Variants in LSAMP observed in about 807,000 individuals in gnomAD.
LSAMP encodes the protein limbic system-associated membrane protein.
LSAMP carries 7 observed loss-of-function variants against 38.6 expected under a neutral mutation model. The ratio of observed to expected loss-of-function variants is 0.18; its 90% CI spans 0.10 to 0.34. The LOEUF is 0.34. Ranked by LOEUF, LSAMP falls within the 10% of genes least tolerant of loss-of-function variation. The pLI, the probability that LSAMP is intolerant of heterozygous loss-of-function variation, is 1.00. For synonymous variants in LSAMP, 154 were observed against 166.8 expected, an observed-to-expected ratio of 0.92 and a Z score of 0.59; for missense variants, 313 against 420.0, an observed-to-expected ratio of 0.75 and a Z score of 2.23.
At chr3:116,029,990 T>G (rs1024144919) in intron 2 of LSAMP, among the ~76,000 whole-genome samples, 3 of 152,098 alleles carry the variant, frequency 2.0e-5, no homozygotes, top group African/African-American at 7.2e-5. Flanking sequence ...TAATTTGAAT[T>G]AGATGGCTCT....
chr3:116,155,716 A>G (rs145140909), intron 1 of LSAMP, among the ~76,000 whole-genome samples: 1 of 151,680 alleles, frequency 6.6e-6, no homozygotes, highest in African/African-American at 2.4e-5. Context: ...AAATTAGCCA[A>G]GATGAAAGCT....
chr3:116,398,350 A>G (rs2048796030), intron 1 of LSAMP, among the ~76,000 whole-genome samples: 1 of 152,198 alleles, frequency 6.6e-6, no homozygotes, highest in Non-Finnish European at 1.5e-5. Context: ...AGAGACTAAG[A>G]TGATCATGTG....
At chr3:116,015,757 AC>A (rs149912161) in intron 3 of LSAMP, among the ~76,000 whole-genome samples, 37,359 of 151,846 alleles carry the variant, frequency 0.25, 4,792 homozygotes, top group African/African-American at 0.32. Context: ...AACTGGCCTT[AC>A]CCAATTTTTT....
chr3:116,089,786 A>T (rs186073989), intron 1 of LSAMP, among the ~76,000 whole-genome samples: 24 of 152,216 alleles, frequency 1.6e-4, no homozygotes, highest in African/African-American at 5.8e-4. Context: ...ATATATCTCA[A>T]TGGAAAAAAA....
chr3:116,381,456 T>C (rs1189988323), intron 1 of LSAMP, among the ~76,000 whole-genome samples: 1 of 152,108 alleles, frequency 6.6e-6, no homozygotes, highest in Non-Finnish European at 1.5e-5. Flanking sequence ...ACACCAGTAT[T>C]ATAAAGAGCA....
intron 1 of LSAMP, among the ~76,000 whole-genome samples, chr3:116,300,827 C>T (rs1232467743): frequency 4.6e-5 from 7 of 152,150 alleles, no homozygotes; most frequent in Non-Finnish European, 1.0e-4. Context: ...CAAGTCTCTT[C>T]ATCTCATCAC....
chr3:116,417,680 C>T (rs1414210536), intron 1 of LSAMP, among the ~76,000 whole-genome samples: 1 of 152,082 alleles, frequency 6.6e-6, no homozygotes, highest in Non-Finnish European at 1.5e-5. Context: ...ACATCTTGGC[C>T]ATTTTTTAAA....
chr3:116,224,294 C>T (rs1301901406), intron 1 of LSAMP, among the ~76,000 whole-genome samples: 1 of 152,192 alleles, frequency 6.6e-6, no homozygotes, highest in East Asian at 1.9e-4. Context: ...AATCCTCAAG[C>T]ATTTTACAAG....
intron 1 of LSAMP, among the ~76,000 whole-genome samples, chr3:116,406,127 A>G (rs973941750): frequency 6.6e-6 from 1 of 152,120 alleles, no homozygotes; most frequent in African/African-American, 2.4e-5. Context: ...CAAAAAAATT[A>G]AAGGTCAACA....
chr3:116,330,630 T>C (rs1322634486), intron 1 of LSAMP, among the ~76,000 whole-genome samples: 1 of 151,930 alleles, frequency 6.6e-6, no homozygotes, highest in Non-Finnish European at 1.5e-5. Flanking sequence ...TCAAAAATAA[T>C]TGTATATCTT....
At chr3:116,112,448 G>A (rs908652492) in intron 1 of LSAMP, among the ~76,000 whole-genome samples, 19 of 152,248 alleles carry the variant, frequency 1.2e-4, no homozygotes, top group African/African-American at 4.3e-4. Flanking sequence ...GCTTGCGAAT[G>A]ACTATGATAA....
At chr3:116,145,068 G>A (rs972170775) in intron 1 of LSAMP, among the ~76,000 whole-genome samples, 30 of 151,694 alleles carry the variant, frequency 2.0e-4, no homozygotes, top group South Asian at 2.1e-4. Context: ...TAATATTATC[G>A]CTTTTTCTTT....
chr3:115,857,927 C>T (rs913109749), intron 3 of LSAMP, among the ~76,000 whole-genome samples: 11 of 152,182 alleles, frequency 7.2e-5, no homozygotes, highest in Non-Finnish European at 1.6e-4. Flanking sequence ...TAAAGCATGC[C>T]AGGTGCTGCC....
At chr3:116,236,630 G>T (rs2046468382) in intron 1 of LSAMP, among the ~76,000 whole-genome samples, 1 of 151,958 alleles carries the variant, frequency 6.6e-6, no homozygotes, top group Admixed American at 6.6e-5. Context: ...ATCATAAGAA[G>T]ACAGCAAATG....
chr3:115,970,152 C>T (rs1938967646), intron 3 of LSAMP, among the ~76,000 whole-genome samples: 4 of 151,994 alleles, frequency 2.6e-5, no homozygotes, highest in Admixed American at 1.3e-4. Flanking sequence ...GAAAAAGAAT[C>T]GGGAGAATGA....
At chr3:115,845,288 C>T (rs111337990) in intron 4 of LSAMP, among the ~76,000 whole-genome samples, 70 of 152,276 alleles carry the variant, frequency 4.6e-4, no homozygotes, top group African/African-American at 1.5e-3. Context: ...AGCACATTGG[C>T]CCATTGATGT....
chr3:116,098,670 C>T (rs1354317834), intron 1 of LSAMP, among the ~76,000 whole-genome samples: 1 of 152,090 alleles, frequency 6.6e-6, no homozygotes, highest in Non-Finnish European at 1.5e-5. Flanking sequence ...TCAGCTTTGT[C>T]TTCCAAAGGA....
chr3:116,359,353 A>G (rs1039495611), intron 1 of LSAMP, among the ~76,000 whole-genome samples: 6 of 152,200 alleles, frequency 3.9e-5, no homozygotes, highest in Non-Finnish European at 8.8e-5. Context: ...TCAAATGATG[A>G]TGATAAAAAA....
At chr3:116,078,365 C>T (rs995129522) in intron 2 of LSAMP, among the ~76,000 whole-genome samples, 10 of 151,302 alleles carry the variant, frequency 6.6e-5, no homozygotes, top group African/African-American at 2.4e-4. Flanking sequence ...CGCTCTGTTG[C>T]CCAGGCTGGA....
Sources: gnomAD v4.1 joint callset for allele counts (sites outside exome capture counted in the v4.1 genomes callset) on GRCh38, gnomAD v4.1.1 for gene constraint, MANE v1.5 for transcripts, NCBI Gene and HGNC (gene_info 2026-07-23, HGNC 2026-07-21) for gene names.